ENTREP2: variants seen among roughly 807,000 people sequenced by gnomAD.
ENTREP2 encodes the protein protein ENTREP2.
chr15:29,571,126 G>A, the ENTREP2 span, among the ~76,000 whole-genome samples: 3 of 151,454 alleles, frequency 2.0e-5, no homozygotes, highest in South Asian at 2.1e-4. Context: ...GCGGGAGCCG[G>A]GACCCGGGAG....
the ENTREP2 span, among the ~76,000 whole-genome samples, chr15:29,642,924 T>G: frequency 2.6e-5 from 4 of 152,266 alleles, no homozygotes; most frequent in East Asian, 7.7e-4. Context: ...TAATATTCTT[T>G]TCAACAAATG....
At chr15:29,157,252 G>A in the ENTREP2 span, among the ~76,000 whole-genome samples, 4 of 152,170 alleles carry the variant, frequency 2.6e-5, no homozygotes, top group Non-Finnish European at 5.9e-5. Context: ...TGGACCAGGA[G>A]TCATCCCTAC....
the ENTREP2 span, among the ~76,000 whole-genome samples, chr15:29,562,726 AG>A: frequency 1.3e-5 from 2 of 152,090 alleles, no homozygotes; most frequent in African/African-American, 4.8e-5. Context: ...CCGATGCCCA[AG>A]GGAGGGTTCT....
At chr15:29,546,255 A>G in the ENTREP2 span, among the ~76,000 whole-genome samples, 4 of 152,238 alleles carry the variant, frequency 2.6e-5, no homozygotes, top group Non-Finnish European at 5.9e-5. Context: ...TTTTTAAGAT[A>G]AAAGTACCAC....
the ENTREP2 span, among the ~76,000 whole-genome samples, chr15:29,162,869 T>C: frequency 6.6e-6 from 1 of 151,976 alleles, no homozygotes; most frequent in African/African-American, 2.4e-5. Flanking sequence ...AAATAGAGCA[T>C]TAAACCACCA....
chr15:29,661,083 T>G, the ENTREP2 span, among the ~76,000 whole-genome samples: 4 of 152,330 alleles, frequency 2.6e-5, no homozygotes, highest in African/African-American at 9.6e-5. Flanking sequence ...TTGTAAAGAA[T>G]TCTCCATTTA....
At chr15:29,597,040 A>G in the ENTREP2 span, among the ~76,000 whole-genome samples, 1 of 151,590 alleles carries the variant, frequency 6.6e-6, no homozygotes, top group Non-Finnish European at 1.5e-5. Context: ...AATCCCCCAT[A>G]GGGTTTTGCC....
chr15:29,306,728 C>T, the ENTREP2 span, among the ~76,000 whole-genome samples: 2 of 117,962 alleles, frequency 1.7e-5, no homozygotes, highest in African/African-American at 6.1e-5. Flanking sequence ...CTTGCTCTGC[C>T]ACCCAGGCTG....
the ENTREP2 span, chr15:29,267,639 T>C: frequency 6.6e-6 from 1 of 152,186 alleles, no homozygotes; most frequent in African/African-American, 2.4e-5. Flanking sequence ...ACACGTTATA[T>C]TTCCCCATAC....
the ENTREP2 span, among the ~76,000 whole-genome samples, chr15:29,369,209 A>T: frequency 6.6e-6 from 1 of 152,172 alleles, no homozygotes; most frequent in Non-Finnish European, 1.5e-5. Flanking sequence ...TTGATGAAAG[A>T]CAACAATCTA....
chr15:29,196,325 C>T, the ENTREP2 span: 22 of 1,290,042 alleles, frequency 1.7e-5, no homozygotes, highest in South Asian at 3.0e-5. Context: ...GAACCTACCC[C>T]GGGAAGTTAA....
chr15:29,191,378 G>T, the ENTREP2 span, among the ~76,000 whole-genome samples: 1 of 152,004 alleles, frequency 6.6e-6, no homozygotes, highest in African/African-American at 2.4e-5. Context: ...ATCTGAAAAA[G>T]ATATAAAATA....
chr15:29,434,114 G>A, the ENTREP2 span, among the ~76,000 whole-genome samples: 3,472 of 152,296 alleles, frequency 0.023, 141 homozygotes, highest in African/African-American at 0.079. Flanking sequence ...TGTGGTTACC[G>A]TGGCTCTAGC....
At chr15:29,591,832 G>GAGAAGAAGAAGAAGAAGAAGAAGA in the ENTREP2 span, among the ~76,000 whole-genome samples, 341 of 140,190 alleles carry the variant, frequency 2.4e-3, 4 homozygotes, top group African/African-American at 4.4e-3. Context: ...CATCTCAAAA[G>GAGAAGAAGAAGAAGAAGAAGAAGA]AGAAGAAGAA....
the ENTREP2 span, among the ~76,000 whole-genome samples, chr15:29,540,635 C>T: frequency 3.9e-5 from 6 of 152,160 alleles, no homozygotes; most frequent in South Asian, 2.1e-4. Flanking sequence ...TGTCAGGAGA[C>T]GAAAACCTAA....
the ENTREP2 span, among the ~76,000 whole-genome samples, chr15:29,206,630 C>T: frequency 1.3e-5 from 2 of 152,084 alleles, no homozygotes; most frequent in African/African-American, 2.4e-5. Flanking sequence ...TTGTCTGGGA[C>T]TCAGTCGGGG....
the ENTREP2 span, among the ~76,000 whole-genome samples, chr15:29,224,869 G>A: frequency 1.3e-5 from 2 of 152,176 alleles, no homozygotes; most frequent in African/African-American, 2.4e-5. Context: ...GGAGGCTCCC[G>A]CAGCACAGGA....
chr15:29,632,448 A>G, the ENTREP2 span, among the ~76,000 whole-genome samples: 1 of 152,144 alleles, frequency 6.6e-6, no homozygotes, highest in African/African-American at 2.4e-5. Flanking sequence ...TTTCAAATAC[A>G]GAAATGTCTT....
chr15:29,602,733 C>G, the ENTREP2 span, among the ~76,000 whole-genome samples: 1 of 151,980 alleles, frequency 6.6e-6, no homozygotes, highest in African/African-American at 2.4e-5. Flanking sequence ...AGATATATTC[C>G]CTCTTTCAGT....
Sources: gnomAD v4.1 joint callset for allele counts (sites outside exome capture counted in the v4.1 genomes callset) on GRCh38, gnomAD v4.1.1 for gene constraint, MANE v1.5 for transcripts, NCBI Gene and HGNC (gene_info 2026-07-23, HGNC 2026-07-21) for gene names.